Variants in MAPK9 observed in about 807,000 individuals in gnomAD.
MAPK9 encodes the protein Jun kinase.
A neutral mutation model predicts 57.1 loss-of-function variants in MAPK9; 30 were observed. That is an observed-to-expected ratio of 0.53 (90% CI 0.39 to 0.71). The LOEUF (loss-of-function observed/expected upper bound fraction) is 0.71. MAPK9 is among the 30% of genes least tolerant of loss of function. MAPK9 has a pLI of 0.00. For synonymous variants in MAPK9, 155 were observed against 177.0 expected (o/e 0.88, Z 0.99); for missense variants, 362 against 521.0 (o/e 0.69, Z 2.97).
At chr5:180,267,301 C>T (rs907055225) in intron 3 of MAPK9, among the ~76,000 whole-genome samples, 5 of 151,948 alleles carry the variant, frequency 3.3e-5, no homozygotes, top group South Asian at 2.1e-4. Context: ...GTGGCTCACG[C>T]CTGTAATCCC....
At chr5:180,289,521 G>A (rs910631217) in intron 1 of MAPK9, among the ~76,000 whole-genome samples, 1 of 152,190 alleles carries the variant, frequency 6.6e-6, no homozygotes, top group African/African-American at 2.4e-5. Flanking sequence ...ACCCAGGAAA[G>A]AATCCTTATC....
intron 2 of MAPK9, among the ~76,000 whole-genome samples, chr5:180,273,598 T>C (rs1053182991): frequency 2.0e-5 from 3 of 152,236 alleles, no homozygotes; most frequent in African/African-American, 4.8e-5. Flanking sequence ...CATTCTCCTA[T>C]ATTATGTTCA....
At chr5:180,246,617 A>G (rs1758130063) in intron 7 of MAPK9, 1 of 152,244 alleles carries the variant, frequency 6.6e-6, no homozygotes, top group Non-Finnish European at 1.5e-5. Flanking sequence ...CTAAGTGGTT[A>G]AAACACAAAT....
chr5:180,246,720 G>C (rs1758141738), intron 7 of MAPK9: 1 of 152,238 alleles, frequency 6.6e-6, no homozygotes, highest in Non-Finnish European at 1.5e-5. Flanking sequence ...GTAACAATTA[G>C]AGTAGTTATT....
At position 180,247,983 on chromosome 5, in the gene MAPK9, A is replaced by AC. The variant is rs965370245; in HGVS notation, c.617-474dup. On this transcript the variant is annotated intron_variant, in intron 6 of 11. Coordinates refer to ENST00000452135, the MANE Select transcript of MAPK9 (RefSeq NM_002752.5). The surrounding 1 kb of genome is among the most constrained non-coding windows in gnomAD (Gnocchi z 4.5). Reference sequence around the variant, plus strand: ...AGAGTCCCCCATCTTTTTTCTTCAAACCCCCTCCCAGGACAAACCCGGTAC... The same window carrying AC: ...AGAGTCCCCCATCTTTTTTCTTCAAACCCCCCTCCCAGGACAAACCCGGTAC... The AC allele has an allele frequency of 1.3e-6, 2 of 1,557,684 alleles. No homozygotes were observed. Among genetic ancestry groups the AC allele is most frequent in the Non-Finnish European group, 1.7e-6 (2 of 1,144,432 alleles).
rs768944763 is a variant in MAPK9 at position 180,242,658 on chromosome 5, G to C, written c.786C>G (p.Asn262Lys). The C allele has an allele frequency of 1.2e-6, 2 of 1,614,046 alleles. No individual in the cohort carries two copies. The highest frequency in any genetic ancestry group is 2.7e-5 in the African/African-American group (2 of 74,936). ...ATTTGATTCCAGGATACTTTGGTCT[G>C]TTTTCGACATAATTCCTCACAGTTG... is the stretch of plus-strand genomic sequence containing the variant. ...LQPTVRNYVE[N>K]RPKYPGIKFE... Residue 262 changes from asparagine (N) to lysine (K), a missense_variant, in exon 8 of 12, where the codon AAC becomes AAG. Coordinates refer to ENST00000452135, the MANE Select transcript of MAPK9 (RefSeq NM_002752.5).
At chr5:180,238,280 A>G (rs35998389) in intron 11 of MAPK9, 52 bp downstream of exon 11, 19 of 1,457,508 alleles carry the variant, frequency 1.3e-5, no homozygotes, top group East Asian at 4.6e-5. Flanking sequence ...AAAAAAAAAA[A>G]GTTGAATAGG....
Position 180,247,225 on chromosome 5 carries a change from C to T in MAPK9, c.688+214G>A. 3.4e-6 allele frequency: 2 copies of T among 594,320 alleles called. No individual in the cohort carries two copies. The allele number at this position is 594,320 out of a possible 1,614,324, so 36.8% of individuals were successfully genotyped here. On this transcript the variant is annotated intron_variant, in intron 7 of 11. Transcript: ENST00000452135. This position sits in a 1 kb window ranked among gnomAD's most constrained non-coding sequence, Gnocchi z 4.5. ...ATCGGTTTAACTGAACTCTAAGTCT[C>T]AAAGTCATCACAGGTAGTCAAGTTA...
intron 1 of MAPK9, among the ~76,000 whole-genome samples, chr5:180,282,589 C>A (rs12522876): frequency 0.17 from 26,404 of 152,210 alleles, 2,438 homozygotes; most frequent in East Asian, 0.31. Flanking sequence ...AGCCACAGAG[C>A]TCAAACTGAC....
chr5:180,280,328 C>T (rs1415271559), intron 2 of MAPK9, 112 bp downstream of exon 2: 8 of 1,426,652 alleles, frequency 5.6e-6, no homozygotes, highest in Non-Finnish European at 7.6e-6. Context: ...GCTCATAAAC[C>T]TATAACAGAG....
intron 7 of MAPK9, among the ~76,000 whole-genome samples, chr5:180,243,326 T>G (rs1757805440): frequency 6.6e-6 from 1 of 152,218 alleles, no homozygotes; most frequent in East Asian, 1.9e-4. Context: ...GTAATGCATT[T>G]TATTTCCTTT....
intron 1 of MAPK9, among the ~76,000 whole-genome samples, chr5:180,280,840 G>A (rs1762258228): frequency 6.6e-6 from 1 of 152,136 alleles, no homozygotes; most frequent in African/African-American, 2.4e-5. Flanking sequence ...ACTTTAAGGG[G>A]CTGGACTAGA....
intron 1 of MAPK9, among the ~76,000 whole-genome samples, chr5:180,282,521 G>A (rs763873240): frequency 2.6e-5 from 4 of 152,206 alleles, no homozygotes; most frequent in Non-Finnish European, 5.9e-5. Flanking sequence ...AGACAAGGAC[G>A]GCTTCAAGGA....
intron 4 of MAPK9, among the ~76,000 whole-genome samples, chr5:180,263,355 A>G (rs1760184500): frequency 6.6e-6 from 1 of 152,048 alleles, no homozygotes; most frequent in Non-Finnish European, 1.5e-5. Context: ...ACCCTCCGTC[A>G]TCCCTTAACA....
chr5:180,278,142 A>C (rs1368655446), intron 2 of MAPK9, among the ~76,000 whole-genome samples: 1 of 152,252 alleles, frequency 6.6e-6, no homozygotes, highest in Non-Finnish European at 1.5e-5. Context: ...TCAAAGTATC[A>C]GTGGTTCAAA....
chr5:180,289,364 A>G (rs1763036988), intron 1 of MAPK9, among the ~76,000 whole-genome samples: 1 of 152,206 alleles, frequency 6.6e-6, no homozygotes, highest in Non-Finnish European at 1.5e-5. Flanking sequence ...GTCAAAAGAG[A>G]AGTCTATGCA....
chr5:180,281,559 A>G (rs958204492), intron 1 of MAPK9, among the ~76,000 whole-genome samples: 6 of 152,242 alleles, frequency 3.9e-5, no homozygotes, highest in African/African-American at 1.4e-4. Flanking sequence ...TAAACATTCT[A>G]TACCGTTTAA....
At chr5:180,243,008 A>G (rs1442241346) in intron 7 of MAPK9, 2 of 361,194 alleles carry the variant, frequency 5.5e-6, no homozygotes, top group East Asian at 4.1e-5. Context: ...ACACCTTCCC[A>G]CTCTAGTTCA....
chr5:180,243,165 C>G (rs1483081042), intron 7 of MAPK9, among the ~76,000 whole-genome samples: 2 of 152,210 alleles, frequency 1.3e-5, no homozygotes, highest in African/African-American at 4.8e-5. Context: ...AACAGAGGAT[C>G]TCAAGGGACC....
Sources: gnomAD v4.1 joint callset for allele counts (sites outside exome capture counted in the v4.1 genomes callset) on GRCh38, gnomAD v4.1.1 for gene constraint, Gnocchi (gnomAD v3.1) non-coding constraint, MANE v1.5 for transcripts, NCBI Gene and HGNC (gene_info 2026-07-23, HGNC 2026-07-21) for gene names.